Variants in CAMK2D observed in about 807,000 individuals in gnomAD.
CAMK2D encodes calcium/calmodulin-dependent protein kinase type II subunit delta.
A neutral mutation model predicts 84.0 loss-of-function variants in CAMK2D; 37 were observed. That is an observed-to-expected ratio of 0.44 (90% CI 0.34 to 0.58). CAMK2D has a LOEUF of 0.58. Among genes scored for constraint, CAMK2D ranks in the 20% least tolerant of loss-of-function variants. The probability of loss-of-function intolerance (pLI) is 0.02; values close to 1 mark genes in which losing one functional copy is unlikely to be tolerated. For missense variants in CAMK2D, 448 were observed against 652.5 expected, an observed-to-expected ratio of 0.69 and a Z score of 3.41; for synonymous variants, 202 against 212.5, an observed-to-expected ratio of 0.95 and a Z score of 0.43.
chr4:113,666,666 C>T (rs560060105), intron 2 of CAMK2D, among the ~76,000 whole-genome samples: 1 of 152,214 alleles, frequency 6.6e-6, no homozygotes, highest in African/African-American at 2.4e-5. Context: ...CTTGAATTTG[C>T]CATGGCCGAG....
intron 2 of CAMK2D, among the ~76,000 whole-genome samples, chr4:113,728,823 G>C (rs899730590): frequency 1.3e-5 from 2 of 152,092 alleles, no homozygotes; most frequent in Non-Finnish European, 2.9e-5. Flanking sequence ...TGAGATAATG[G>C]ATAGGAAACA....
chr4:113,513,272 G>A, intron 12 of CAMK2D, 56 bp downstream of exon 12: 1 of 1,578,252 alleles, frequency 6.3e-7, no homozygotes, highest in Non-Finnish European at 8.6e-7. Context: ...CAAAAAAACA[G>A]AGACTACTTA....
chr4:113,715,603 T>C (rs1170620554), intron 2 of CAMK2D, among the ~76,000 whole-genome samples: 2 of 152,136 alleles, frequency 1.3e-5, no homozygotes, highest in South Asian at 2.1e-4. Flanking sequence ...TCTTACTAGA[T>C]GTTATAGGTG....
chr4:113,756,739 G>GT (rs2099629435), intron 2 of CAMK2D, among the ~76,000 whole-genome samples: 1 of 151,918 alleles, frequency 6.6e-6, no homozygotes, highest in Non-Finnish European at 1.5e-5. Flanking sequence ...TTTGATTCTT[G>GT]TTACTCTGTA....
At chr4:113,730,257 C>T (rs1215466373) in intron 2 of CAMK2D, among the ~76,000 whole-genome samples, 1 of 152,078 alleles carries the variant, frequency 6.6e-6, no homozygotes, top group East Asian at 1.9e-4. Flanking sequence ...TATTGTTAAC[C>T]TTTTTTTCTA....
intron 14 of CAMK2D, among the ~76,000 whole-genome samples, chr4:113,504,443 A>G (rs1180292183): frequency 6.6e-6 from 1 of 152,236 alleles, no homozygotes; most frequent in Non-Finnish European, 1.5e-5. Context: ...AGAAAGCTCT[A>G]AATTATCCAG....
At chr4:113,718,055 A>C (rs2099518925) in intron 2 of CAMK2D, among the ~76,000 whole-genome samples, 1 of 152,134 alleles carries the variant, frequency 6.6e-6, no homozygotes, top group African/African-American at 2.4e-5. Context: ...GATGTACATA[A>C]ATATTATAAC....
Position 113,761,170 on chromosome 4 carries a change from C to T in CAMK2D, c.-102G>A, listed in dbSNP as rs879250062. On this transcript the variant is annotated 5_prime_UTR_variant, in exon 1 of 21. Transcript: ENST00000511664. Reference sequence around the variant, plus strand: ...GCCCCGCGGCGCTGTCACCCAGGGCCGCTCTTACTTTCCTGGTCCGAAAGT... The same window carrying T: ...GCCCCGCGGCGCTGTCACCCAGGGCTGCTCTTACTTTCCTGGTCCGAAAGT... 7 of 1,594,304 alleles carry T rather than the reference C, an allele frequency of 4.4e-6. No homozygotes were observed. The highest frequency in any genetic ancestry group is 3.3e-5 in the South Asian group (3 of 90,588).
chr4:113,561,034 G>C (rs2098696033), intron 4 of CAMK2D, among the ~76,000 whole-genome samples: 2 of 152,272 alleles, frequency 1.3e-5, no homozygotes, highest in Admixed American at 6.5e-5. Context: ...AGAAATGTGA[G>C]ACATGAACAC....
At chr4:113,637,169 AG>A (rs2099113215) in intron 3 of CAMK2D, among the ~76,000 whole-genome samples, 10 of 152,220 alleles carry the variant, frequency 6.6e-5, no homozygotes, top group African/African-American at 1.9e-4. Context: ...GAATAGAAGC[AG>A]TATAAGGGCA....
intron 8 of CAMK2D, among the ~76,000 whole-genome samples, chr4:113,530,364 C>A (rs2098449771): frequency 6.6e-6 from 1 of 152,118 alleles, no homozygotes; most frequent in African/African-American, 2.4e-5. Context: ...CTGACTGCAA[C>A]CCATCACATG....
At chr4:113,683,260 G>A (rs1302428914) in intron 2 of CAMK2D, among the ~76,000 whole-genome samples, 2 of 152,060 alleles carry the variant, frequency 1.3e-5, no homozygotes, top group Non-Finnish European at 2.9e-5. Flanking sequence ...ATCTCAAGTG[G>A]GTGTAATGGT....
intron 4 of CAMK2D, among the ~76,000 whole-genome samples, chr4:113,574,854 A>G (rs1051229590): frequency 3.3e-5 from 5 of 152,250 alleles, no homozygotes; most frequent in African/African-American, 1.2e-4. Flanking sequence ...TGAAAACATT[A>G]ATCCCATAGG....
chr4:113,719,208 C>T (rs114204788), intron 2 of CAMK2D, among the ~76,000 whole-genome samples: 224 of 152,208 alleles, frequency 1.5e-3, no homozygotes, highest in African/African-American at 5.2e-3. Context: ...AGATCCTGTA[C>T]TAGGACCCAA....
intron 2 of CAMK2D, among the ~76,000 whole-genome samples, chr4:113,731,973 C>A (rs1009438000): frequency 6.6e-5 from 10 of 152,042 alleles, no homozygotes; most frequent in Non-Finnish European, 1.3e-4. Context: ...GATTACAGGG[C>A]CATAGGAACC....
chr4:113,505,756 A>G (rs10488892), intron 13 of CAMK2D, among the ~76,000 whole-genome samples: 9,424 of 152,286 alleles, frequency 0.062, 597 homozygotes, highest in East Asian at 0.22. Flanking sequence ...TTGCTTTAAC[A>G]TAACTGGATT....
chr4:113,713,207 C>T (rs773929839), intron 2 of CAMK2D, among the ~76,000 whole-genome samples: 15 of 151,822 alleles, frequency 9.9e-5, no homozygotes, highest in Non-Finnish European at 2.1e-4. Context: ...TACAGGCCTA[C>T]TTATACACAA....
intron 16 of CAMK2D, among the ~76,000 whole-genome samples, chr4:113,466,518 C>T (rs796472109): frequency 1.3e-5 from 2 of 151,854 alleles, no homozygotes; most frequent in South Asian, 2.1e-4. Flanking sequence ...AAAAGGATGC[C>T]GACACTGTGA....
At chr4:113,740,346 T>C (rs1299579015) in intron 2 of CAMK2D, among the ~76,000 whole-genome samples, 1 of 151,226 alleles carries the variant, frequency 6.6e-6, no homozygotes, top group East Asian at 1.9e-4. Flanking sequence ...ATACTATGGA[T>C]GCACCTTGAA....
Sources: allele counts gnomAD v4.1 joint callset (sites outside exome capture counted in the v4.1 genomes callset), GRCh38; gene constraint gnomAD v4.1.1; transcripts MANE v1.5; gene names NCBI Gene and HGNC (gene_info 2026-07-23, HGNC 2026-07-21).